The following MORC4 variants were observed in gnomAD, a reference collection of about 807,000 sequenced individuals.
The protein encoded by MORC4 is MORC family CW-type zinc finger 4.
In MORC4, 22 loss-of-function variants were observed where a neutral mutation model predicts 65.5. The observed-to-expected ratio is 0.34, with a 90% CI of 0.24 to 0.48. The LOEUF is 0.48. Ranked by LOEUF, MORC4 falls within the 20% of genes least tolerant of loss-of-function variation. MORC4 has a pLI of 0.99. For synonymous variants in MORC4, 267 were observed against 255.8 expected (o/e 1.04, Z -0.42); for missense variants, 624 against 703.0 (o/e 0.89, Z 1.27).
intron 9 of MORC4, among the ~76,000 whole-genome samples, chrX:106,968,764 T>A (rs1934435187): frequency 9.2e-6 from 1 of 109,218 alleles, no homozygotes; most frequent in African/African-American, 3.4e-5. Context: ...AAGGGATCAA[T>A]TCAACAAGAA....
At chrX:106,989,954 G>C (rs747185624) in intron 3 of MORC4, among the ~76,000 whole-genome samples, 19 of 107,730 alleles carry the variant, frequency 1.8e-4, no homozygotes, top group African/African-American at 5.8e-4. Context: ...TTGGGAGCCC[G>C]AGGCAGGTGA....
chrX:106,983,892 A>C (rs1448189052), intron 5 of MORC4, among the ~76,000 whole-genome samples: 1 of 111,078 alleles, frequency 9.0e-6, no homozygotes, highest in Non-Finnish European at 1.9e-5. Context: ...ACTAACACAG[A>C]ACTCCTTATT....
intron 12 of MORC4, 121 bp downstream of exon 12, chrX:106,956,815 G>A: frequency 1.9e-6 from 1 of 518,990 alleles, no homozygotes; most frequent in Non-Finnish European, 3.3e-6. Flanking sequence ...AGAGCAGAGA[G>A]GTGAGGAGGG....
chrX:106,993,509 T>G (rs1257209516), intron 2 of MORC4, 147 bp from the exon 3 acceptor site: 1 of 491,125 alleles, frequency 2.0e-6, no homozygotes, highest in Non-Finnish European at 3.2e-6. Flanking sequence ...TTAACGGTAG[T>G]GCACTTACTA....
At chrX:106,996,841 G>A (rs746298011) in intron 2 of MORC4, among the ~76,000 whole-genome samples, 31 of 111,899 alleles carry the variant, frequency 2.8e-4, no homozygotes, top group Non-Finnish European at 4.7e-4. Flanking sequence ...CCCTGCTCTC[G>A]TTATCTCATC....
chrX:106,946,836 C>G (rs1008252243), intron 14 of MORC4, among the ~76,000 whole-genome samples: 1 of 111,372 alleles, frequency 9.0e-6, no homozygotes, highest in Non-Finnish European at 1.9e-5. Flanking sequence ...GAGACAGGGT[C>G]TTCCTATGTT....
At chrX:106,996,182 C>CTTTTT (rs565884580) in intron 2 of MORC4, among the ~76,000 whole-genome samples, 3 of 85,272 alleles carry the variant, frequency 3.5e-5, no homozygotes, top group African/African-American at 1.3e-4. Flanking sequence ...TTACTAGGTA[C>CTTTTT]TTTTTTTTTT....
intron 9 of MORC4, 23 bp from the exon 10 acceptor site, chrX:106,962,133 T>C (rs752611831): frequency 1.8e-6 from 2 of 1,090,590 alleles, no homozygotes; most frequent in Admixed American, 4.5e-5. Flanking sequence ...GCAAGAAGTA[T>C]GTCAAAGTTT....
At chrX:106,964,339 G>C (rs1260921718) in intron 9 of MORC4, among the ~76,000 whole-genome samples, 1 of 111,835 alleles carries the variant, frequency 8.9e-6, no homozygotes, top group African/African-American at 3.2e-5. Flanking sequence ...CAAGTATTAA[G>C]AGCAGAAAGA....
At chrX:106,941,666 T>C (rs370774208) in intron 16 of MORC4, 34 bp from the exon 17 acceptor site, 5 of 1,178,051 alleles carry the variant, frequency 4.2e-6, no homozygotes, top group East Asian at 6.0e-5. Flanking sequence ...GGAGAAGAGA[T>C]GACATGAAGT....
In MORC4 at chrX:106,985,221, A is replaced by C; in HGVS notation, c.549T>G (p.Asp183Glu). The change falls in exon 5 of 17, where the codon GAT (aspartate) becomes GAG (glutamate). Residue 183 changes from aspartate (D) to glutamate (E), a missense_variant. Asp to Glu is a conservative substitution (Grantham distance 45). Transcript: ENST00000355610. The part of the protein sequence containing the change: ...QQNKKMIITE[D>E]SLPSLEAILN... ...AGATGGCTTCTAGGCTGGGCAATGA[A>C]TCCTCGGTAATAATCATTTTTTGTA... The C allele has an allele frequency of 8.6e-7, 1 of 1,168,388 alleles. No individual in the cohort carries two copies. The highest frequency in any genetic ancestry group is 1.8e-5 in the African/African-American group (1 of 56,551).
At chrX:106,978,013 T>C (rs1396908497) in intron 8 of MORC4, 67 bp downstream of exon 8, 1 of 1,143,423 alleles carries the variant, frequency 8.7e-7, no homozygotes, top group African/African-American at 1.8e-5. Context: ...CCTATCCCCT[T>C]TGCAAATTTT....
At chrX:106,960,565 C>CTA (rs1161227746) in intron 10 of MORC4, among the ~76,000 whole-genome samples, 1 of 111,841 alleles carries the variant, frequency 8.9e-6, no homozygotes, top group Non-Finnish European at 1.9e-5. Flanking sequence ...ATAATAATAT[C>CTA]TAACAGGTAG....
chrX:106,941,321 T>A lies in MORC4; in HGVS notation c.*158A>T, dbSNP rs1933666176. On this transcript the variant is annotated 3_prime_UTR_variant, in exon 17 of 17. Transcript: ENST00000355610. ...AAACTGATAAAAAGGAGACTGATTA[T>A]GAGCCAGGATTTACACAGAGATTCT... 4 of 387,007 alleles carry A rather than the reference T, an allele frequency of 1.0e-5. No homozygotes were observed. The East Asian group carries it at 1.3e-4, about 12-fold the overall frequency. 31.9% of individuals were successfully genotyped at this position (387,007 alleles called of 1,213,427 possible).
intron 5 of MORC4, among the ~76,000 whole-genome samples, chrX:106,982,601 G>A (rs1934774118): frequency 9.0e-6 from 1 of 111,381 alleles, no homozygotes; most frequent in Non-Finnish European, 1.9e-5. Flanking sequence ...AAAAAGGTCT[G>A]TAGAAACATT....
intron 3 of MORC4, among the ~76,000 whole-genome samples, chrX:106,989,493 T>G (rs1203954592): frequency 8.9e-6 from 1 of 112,058 alleles, no homozygotes; most frequent in African/African-American, 3.2e-5. Context: ...ATGTTAGAGG[T>G]CAAATAGAAC....
chrX:106,957,512 A>G (rs1934139454), intron 11 of MORC4, among the ~76,000 whole-genome samples: 1 of 111,607 alleles, frequency 9.0e-6, no homozygotes, highest in Non-Finnish European at 1.9e-5. Flanking sequence ...TAAAATGCAT[A>G]CCCATTTTAG....
At chrX:106,945,097 G>A (rs1569294613) in intron 14 of MORC4, among the ~76,000 whole-genome samples, 1 of 112,095 alleles carries the variant, frequency 8.9e-6, no homozygotes. Flanking sequence ...CATGTAAGAA[G>A]TGCTTAACAT....
At chrX:106,944,157 A>G (rs1042877875) in intron 14 of MORC4, among the ~76,000 whole-genome samples, 19 of 112,486 alleles carry the variant, frequency 1.7e-4, no homozygotes, top group African/African-American at 5.8e-4. Context: ...AAGGTTGCCC[A>G]TATTTCTCTG....
Sources: allele counts gnomAD v4.1 joint callset (sites outside exome capture counted in the v4.1 genomes callset), GRCh38; gene constraint gnomAD v4.1.1; transcripts MANE v1.5; gene names NCBI Gene and HGNC (gene_info 2026-07-23, HGNC 2026-07-21).